ANKDD1A: variants seen among roughly 807,000 people sequenced by gnomAD.
The protein encoded by ANKDD1A is ankyrin repeat and death domain-containing protein 1A.
Under a neutral mutation model 63.5 loss-of-function variants are expected in ANKDD1A, and 59 were observed. That is an observed-to-expected ratio of 0.93 (90% CI 0.75 to 1.15). The LOEUF is 1.15. ANKDD1A is among the 50% of genes most tolerant of loss of function. The pLI, the probability that ANKDD1A is intolerant of heterozygous loss-of-function variation, is 0.00. For missense variants in ANKDD1A, 632 were observed against 656.4 expected (o/e 0.96, Z 0.41); for synonymous variants, 266 against 263.9 (o/e 1.01, Z -0.08).
At chr15:64,932,298 G>C (rs2085098135) in intron 8 of ANKDD1A, 1 of 152,186 alleles carries the variant, frequency 6.6e-6, no homozygotes, top group South Asian at 2.1e-4. Flanking sequence ...TGAGAAAACT[G>C]GAGCTTTGAG....
chr15:64,917,455 C>T lies in ANKDD1A; in HGVS notation c.208C>T (p.His70Tyr). Reference sequence around the variant, plus strand: ...GCAGGCTGTGCGTCTGCTTCTGGAGCACGAGGCTGCTGTGGACGAGGAGGA... The same window carrying T: ...GCAGGCTGTGCGTCTGCTTCTGGAGTACGAGGCTGCTGTGGACGAGGAGGA... The part of the protein sequence containing the change: ...HEQAVRLLLE[H>Y]EAAVDEEDAV... The change falls in exon 3 of 15, where the codon CAC becomes TAC. Residue 70 changes from histidine (H) to tyrosine (Y), a missense_variant. Physicochemically the swap from His to Tyr is moderately conservative, Grantham distance 83. Coordinates refer to ENST00000319580, the MANE Select transcript of ANKDD1A (RefSeq NM_182703.6). 6.2e-7 allele frequency: 1 copy of T among 1,607,248 alleles called. No individual in the cohort carries two copies. The highest frequency in any genetic ancestry group is 8.5e-7 in the Non-Finnish European group (1 of 1,177,304).
At chr15:64,953,258 TTC>T (rs2085335527) in intron 14 of ANKDD1A, among the ~76,000 whole-genome samples, 1 of 150,846 alleles carries the variant, frequency 6.6e-6, no homozygotes, top group Non-Finnish European at 1.5e-5. Context: ...CTCTTTCTTC[TTC>T]TTAGTTCTTC....
intron 9 of ANKDD1A, among the ~76,000 whole-genome samples, chr15:64,938,004 G>T (rs1389357326): frequency 6.6e-6 from 1 of 152,090 alleles, no homozygotes; most frequent in Non-Finnish European, 1.5e-5. Context: ...GGACACAGGG[G>T]CCACCAGAGA....
At chr15:64,950,779 TAA>T in intron 14 of ANKDD1A, 1 of 947,158 alleles carries the variant, frequency 1.1e-6, no homozygotes, top group South Asian at 4.6e-5. Context: ...GTGGAAAAGC[TAA>T]GACTCATTTC....
intron 14 of ANKDD1A, among the ~76,000 whole-genome samples, chr15:64,951,720 C>CGTTCTTCCTTTCTTCTCTTTTTCTTT (rs1276132353): frequency 3.7e-5 from 5 of 136,252 alleles, no homozygotes; most frequent in African/African-American, 1.1e-4. Flanking sequence ...TCTTTTTCTT[C>CGTTCTTCCTTTCTTCTCTTTTTCTTT]CCTTTTCTTC....
chr15:64,953,858 TC>T (rs2085363263), intron 14 of ANKDD1A, among the ~76,000 whole-genome samples: 7 of 35,144 alleles, frequency 2.0e-4, no homozygotes, highest in South Asian at 5.4e-4. Flanking sequence ...TCTTTCCTCT[TC>T]TTCCTCTTTC....
chr15:64,915,693 C>G, intron 1 of ANKDD1A, 104 bp from the exon 2 acceptor site: 1 of 955,632 alleles, frequency 1.0e-6, no homozygotes. Context: ...GCTGAAAGAC[C>G]CCTGCTCCAG....
intron 12 of ANKDD1A, 39 bp from the exon 13 acceptor site, chr15:64,947,365 T>C (rs530864545): frequency 1.3e-6 from 2 of 1,592,272 alleles, no homozygotes; most frequent in South Asian, 1.1e-5. Flanking sequence ...TCTGGGATCA[T>C]GAGGGAGAGC....
chr15:64,941,009 C>G (rs181186116), intron 9 of ANKDD1A, among the ~76,000 whole-genome samples: 215 of 152,334 alleles, frequency 1.4e-3, no homozygotes, highest in African/African-American at 4.5e-3. Flanking sequence ...TCCCAAAGTA[C>G]TGGGATTACA....
Position 64,955,014 on chromosome 15 carries a change from A to ACTT in ANKDD1A, c.1484-2078_1484-2076dup, listed in dbSNP as rs566019837. ...CCTCTTCCTCTTTCCTTCTTCTTCC[A>ACTT]CTTCTTCTTCTTCCTCTTCTTCTTC... On this transcript the variant is annotated intron_variant, in intron 14 of 14. Transcript: ENST00000319580. 1.7e-4 allele frequency among the ~76,000 whole-genome samples: 20 copies of ACTT among 120,770 alleles called. No homozygotes were observed. In the East Asian group the frequency reaches 5.3e-3, roughly 32 times the overall value. The allele number at this position is 120,770 out of a possible 152,430, so 79.2% of individuals were successfully genotyped here.
chr15:64,917,302 A>G, intron 2 of ANKDD1A, 84 bp from the exon 3 acceptor site: 7 of 1,472,236 alleles, frequency 4.8e-6, no homozygotes, highest in Non-Finnish European at 6.3e-6. Flanking sequence ...CCTGCAGACC[A>G]GCTGTCCTGG....
At chr15:64,951,720 C>CGTTCTTCCTCTTTTCTTTCTTT in intron 14 of ANKDD1A, among the ~76,000 whole-genome samples, 1 of 136,354 alleles carries the variant, frequency 7.3e-6, no homozygotes, top group African/African-American at 2.7e-5. Context: ...TCTTTTTCTT[C>CGTTCTTCCTCTTTTCTTTCTTT]CCTTTTCTTC....
chr15:64,951,299 C>CTTCTTTTCTTCTCTTCTTCGTCTT (rs199955710), intron 14 of ANKDD1A: 1 of 850,286 alleles, frequency 1.2e-6, no homozygotes, highest in African/African-American at 1.9e-5. Flanking sequence ...TCTTCTTCTT[C>CTTCTTTTCTTCTCTTCTTCGTCTT]TTCTTCTCTT....
intron 10 of ANKDD1A, 90 bp downstream of exon 10, chr15:64,942,655 C>A: frequency 1.0e-6 from 1 of 953,560 alleles, no homozygotes; most frequent in Non-Finnish European, 1.5e-6. Context: ...CTAGCATGGC[C>A]CAGAGTTGAG....
At chr15:64,935,163 G>A (rs534638982) in intron 9 of ANKDD1A, among the ~76,000 whole-genome samples, 20 of 149,856 alleles carry the variant, frequency 1.3e-4, no homozygotes, top group African/African-American at 4.9e-4. Context: ...AGGAAGTTGA[G>A]GCCACAGTGA....
intron 6 of ANKDD1A, among the ~76,000 whole-genome samples, chr15:64,930,306 T>C (rs530061249): frequency 6.7e-6 from 1 of 149,640 alleles, no homozygotes; most frequent in Non-Finnish European, 1.5e-5. Context: ...ACTCAGCCAG[T>C]GACAGAGTGT....
At chr15:64,952,387 T>TC (rs200989801) in intron 14 of ANKDD1A, among the ~76,000 whole-genome samples, 14 of 105,774 alleles carry the variant, frequency 1.3e-4, no homozygotes, top group Admixed American at 1.9e-4. Context: ...CTTTCCTTCT[T>TC]TTCTTCTTCC....
Position 64,926,076 on chromosome 15 carries a change from C to G in ANKDD1A, c.377C>G (p.Thr126Ser), listed in dbSNP as rs1298499756. The change falls in exon 5 of 15, where the codon ACC (threonine) becomes AGC (serine). Residue 126 changes from threonine to serine, a missense_variant. Coordinates refer to ENST00000319580, the MANE Select transcript of ANKDD1A (RefSeq NM_182703.6). Reference protein sequence around the residue: ...KIHCESKDGLTLLHCAAQKGH... With the variant: ...KIHCESKDGLSLLHCAAQKGH... ...TGCACTTGTTTCCAGGATGGCCTGA[C>G]CTTACTGCACTGCGCAGCCCAAAAA... 1 of 1,613,472 alleles carries G rather than the reference C, an allele frequency of 6.2e-7. No homozygotes were observed. Among genetic ancestry groups the G allele is most frequent in the South Asian group, 1.1e-5 (1 of 90,894 alleles).
At chr15:64,949,757 T>G in intron 13 of ANKDD1A, 84 bp from the exon 14 acceptor site, 1 of 1,557,204 alleles carries the variant, frequency 6.4e-7, no homozygotes, top group Non-Finnish European at 8.7e-7. Flanking sequence ...CAGGAGGCGG[T>G]GCAGGGTGGC....
Sources: gnomAD v4.1 joint callset for allele counts (sites outside exome capture counted in the v4.1 genomes callset) on GRCh38, gnomAD v4.1.1 for gene constraint, MANE v1.5 for transcripts, NCBI Gene and HGNC (gene_info 2026-07-23, HGNC 2026-07-21) for gene names.